SPATS2L: variants seen among roughly 807,000 people sequenced by gnomAD.
SPATS2L encodes spermatogenesis associated serine rich 2 like.
Under a neutral mutation model 59.6 loss-of-function variants are expected in SPATS2L, and 30 were observed. That is an observed-to-expected ratio of 0.50 (90% CI 0.38 to 0.68). SPATS2L has a LOEUF of 0.68. SPATS2L is among the 30% of genes least tolerant of loss of function. The probability of loss-of-function intolerance (pLI) is 0.00; values close to 1 mark genes in which losing one functional copy is unlikely to be tolerated. For missense variants in SPATS2L, 615 were observed against 700.0 expected, an observed-to-expected ratio of 0.88 and a Z score of 1.37; for synonymous variants, 252 against 263.5, an observed-to-expected ratio of 0.96 and a Z score of 0.42.
intron 2 of SPATS2L, among the ~76,000 whole-genome samples, chr2:200,381,045 A>G (rs767573447): frequency 1.3e-5 from 2 of 152,242 alleles, no homozygotes; most frequent in Non-Finnish European, 2.9e-5. Flanking sequence ...GGAGTAGCAA[A>G]GGATGGAGGG....
intron 9 of SPATS2L, 142 bp downstream of exon 9, chr2:200,459,969 G>C: frequency 1.5e-6 from 1 of 646,776 alleles, no homozygotes; most frequent in Non-Finnish European, 2.7e-6. Flanking sequence ...TGTAACCTTA[G>C]TCATGTCACT....
chr2:200,358,369 G>A lies in SPATS2L; in HGVS notation c.-23+28889G>A, dbSNP rs543375239. Reference sequence around the variant, plus strand: ...CTTCTTTTTCTTCCAGCATTTTCATGACCTACACCGCTATTCCATGTCTTT... The same window carrying A: ...CTTCTTTTTCTTCCAGCATTTTCATAACCTACACCGCTATTCCATGTCTTT... On this transcript the variant is annotated intron_variant, in intron 2 of 12. Coordinates refer to ENST00000409140, the MANE Select transcript of SPATS2L (RefSeq NM_001100423.2). 1.2e-3 allele frequency among the ~76,000 whole-genome samples: 190 copies of A among 152,284 alleles called. 3 individuals are homozygous for A. In the South Asian group the frequency reaches 0.037, roughly 30 times the overall value.
chr2:200,467,735 A>G (rs1216030553), intron 10 of SPATS2L, among the ~76,000 whole-genome samples: 2 of 152,244 alleles, frequency 1.3e-5, no homozygotes, highest in African/African-American at 4.8e-5. Context: ...GTATGTATGC[A>G]TATAAACACA....
intron 8 of SPATS2L, among the ~76,000 whole-genome samples, chr2:200,446,919 T>C (rs551403887): frequency 6.9e-4 from 105 of 152,344 alleles, no homozygotes; most frequent in African/African-American, 2.5e-3. Context: ...AATTACATTT[T>C]TGTCTCATTG....
chr2:200,353,673 C>T (rs191843874), intron 2 of SPATS2L, among the ~76,000 whole-genome samples: 1 of 151,566 alleles, frequency 6.6e-6, no homozygotes, highest in Admixed American at 6.6e-5. Context: ...TAGCTTATCC[C>T]TAAAAAAAAA....
In SPATS2L at chr2:200,334,860, C is replaced by G. The variant is rs535703649; in HGVS notation, c.-23+5380C>G. ...TTATTTCTGAGGGCTCTGTTCTGTT[C>G]CATTGATCTATATATCTGTTTTGGT... On this transcript the variant is annotated intron_variant, in intron 2 of 12. Coordinates refer to ENST00000409140, the MANE Select transcript of SPATS2L (RefSeq NM_001100423.2). Among the ~76,000 whole-genome samples the G allele has an allele frequency of 2.9e-3, 443 of 152,246 alleles. 1 individual carries two copies. The highest frequency in any genetic ancestry group is 0.01 in the African/African-American group (427 of 41,528).
intron 3 of SPATS2L, among the ~76,000 whole-genome samples, chr2:200,393,581 A>G (rs757651752): frequency 4.3e-4 from 66 of 152,362 alleles, no homozygotes; most frequent in Admixed American, 9.1e-4. Context: ...CCATCTTCCC[A>G]TGTCAAAAGG....
chr2:200,450,935 A>G (rs2085394237), intron 8 of SPATS2L, among the ~76,000 whole-genome samples: 1 of 152,180 alleles, frequency 6.6e-6, no homozygotes, highest in Non-Finnish European at 1.5e-5. Context: ...TGCCAGATGG[A>G]GAAGGAAGAA....
At chr2:200,307,647 G>A (rs2079069429) in intron 1 of SPATS2L, among the ~76,000 whole-genome samples, 1 of 152,246 alleles carries the variant, frequency 6.6e-6, no homozygotes, top group Admixed American at 6.5e-5. Context: ...GCTCGCGCTG[G>A]ACGCCGGCGC....
chr2:200,404,805 A>G (rs74513186), intron 3 of SPATS2L, among the ~76,000 whole-genome samples: 9,669 of 152,108 alleles, frequency 0.064, 517 homozygotes, highest in Non-Finnish European at 0.09. Flanking sequence ...TCTTCCTTGC[A>G]TTTTCTAGCT....
chr2:200,435,444 G>A (rs915764596), intron 6 of SPATS2L, among the ~76,000 whole-genome samples: 2 of 151,992 alleles, frequency 1.3e-5, no homozygotes, highest in African/African-American at 2.4e-5. Flanking sequence ...TCCAAGATAC[G>A]GCTACTGTGG....
intron 2 of SPATS2L, among the ~76,000 whole-genome samples, chr2:200,354,800 C>G (rs890636736): frequency 4.6e-5 from 7 of 152,068 alleles, no homozygotes; most frequent in Admixed American, 4.6e-4. Context: ...ATTTTAAAAG[C>G]GCTTTTTGGG....
intron 2 of SPATS2L, among the ~76,000 whole-genome samples, chr2:200,385,096 T>G (rs575840911): frequency 6.6e-6 from 1 of 152,306 alleles, no homozygotes; most frequent in Non-Finnish European, 1.5e-5. Context: ...TCTTATAGAT[T>G]TAAAAGCTCC....
intron 8 of SPATS2L, among the ~76,000 whole-genome samples, chr2:200,448,754 C>T (rs2085237521): frequency 6.6e-6 from 1 of 152,092 alleles, no homozygotes; most frequent in African/African-American, 2.4e-5. Flanking sequence ...TCTCCCCACC[C>T]CCAACATTCA....
At chr2:200,334,276 A>G (rs1415165757) in intron 2 of SPATS2L, among the ~76,000 whole-genome samples, 2 of 151,884 alleles carry the variant, frequency 1.3e-5, no homozygotes, top group Admixed American at 6.6e-5. Flanking sequence ...TTTTTTCATG[A>G]TGATGAGCAT....
intron 6 of SPATS2L, among the ~76,000 whole-genome samples, chr2:200,429,365 A>C (rs999651997): frequency 6.6e-6 from 1 of 152,354 alleles, no homozygotes; most frequent in African/African-American, 2.4e-5. Flanking sequence ...GAAGAAAATG[A>C]GACAATAAAG....
chr2:200,390,645 G>C (rs2082143614), intron 3 of SPATS2L: 1 of 152,422 alleles, frequency 6.6e-6, no homozygotes, highest in African/African-American at 2.4e-5. Context: ...TGTGGTCCAG[G>C]TGTGGTAGAC....
At chr2:200,383,586 T>C (rs1203521648) in intron 2 of SPATS2L, among the ~76,000 whole-genome samples, 1 of 152,186 alleles carries the variant, frequency 6.6e-6, no homozygotes, top group Non-Finnish European at 1.5e-5. Flanking sequence ...CAGAGCTCCC[T>C]GGTTAAGTCT....
At chr2:200,401,279 G>A (rs558966039) in intron 3 of SPATS2L, among the ~76,000 whole-genome samples, 3 of 152,084 alleles carry the variant, frequency 2.0e-5, no homozygotes, top group African/African-American at 7.2e-5. Flanking sequence ...AGACCCTGAG[G>A]CAGACTGCTC....
Sources: gnomAD v4.1 joint callset for allele counts (sites outside exome capture counted in the v4.1 genomes callset) on GRCh38, gnomAD v4.1.1 for gene constraint, MANE v1.5 for transcripts, NCBI Gene and HGNC (gene_info 2026-07-23, HGNC 2026-07-21) for gene names.